Variants in ROR1 observed in about 807,000 individuals in gnomAD.
ROR1 encodes the protein inactive tyrosine-protein kinase transmembrane receptor ROR1.
ROR1 carries 19 observed loss-of-function variants against 78.8 expected under a neutral mutation model. The observed-to-expected ratio is 0.24, with a 90% confidence interval of 0.17 to 0.35. The LOEUF is 0.35. Ranked by LOEUF, ROR1 falls within the 10% of genes least tolerant of loss-of-function variation. The probability of loss-of-function intolerance (pLI) is 1.00; values close to 1 mark genes in which losing one functional copy is unlikely to be tolerated. For missense variants in ROR1, 917 were observed against 1,177.8 expected (o/e 0.78, Z 3.24); for synonymous variants, 386 against 433.6 (o/e 0.89, Z 1.36).
At chr1:63,914,692 T>G (rs1645596191) in intron 1 of ROR1, among the ~76,000 whole-genome samples, 1 of 152,112 alleles carries the variant, frequency 6.6e-6, no homozygotes, top group South Asian at 2.1e-4. Flanking sequence ...GGAACCCTCT[T>G]CTCTGCTTGG....
intron 3 of ROR1, 38 bp from the exon 4 acceptor site, chr1:64,050,648 G>C: frequency 6.2e-7 from 1 of 1,605,302 alleles, no homozygotes; most frequent in Non-Finnish European, 8.5e-7. Context: ...CAATAACCTA[G>C]ACTGACTGTT....
intron 1 of ROR1, among the ~76,000 whole-genome samples, chr1:63,848,732 A>G (rs1322298024): frequency 6.6e-6 from 1 of 152,166 alleles, no homozygotes; most frequent in East Asian, 1.9e-4. Context: ...AACGTCTGGT[A>G]GTGGATTTCT....
Position 64,137,429 on chromosome 1 carries a change from T to C in ROR1, c.543T>C (p.Phe181=). 6.2e-7 allele frequency: 1 copy of C among 1,614,042 alleles called. No individual in the cohort carries two copies. Among genetic ancestry groups the C allele is most frequent in the Non-Finnish European group, 8.5e-7 (1 of 1,179,910 alleles). Residue 181 remains phenylalanine, a synonymous_variant, in exon 5 of 9, where the codon TTT becomes TTC. Coordinates refer to ENST00000371079, the MANE Select transcript of ROR1 (RefSeq NM_005012.4). ...ACAGAGGGATTGCATGTGCAAGATTTATTGGCAACCGCACCGTCTATATGG... is the reference window on the plus strand; with the variant it reads ...ACAGAGGGATTGCATGTGCAAGATTCATTGGCAACCGCACCGTCTATATGG... ...QPYRGIACAR[F]IGNRTVYMES...
intron 2 of ROR1, among the ~76,000 whole-genome samples, chr1:64,015,610 C>A (rs7545168): frequency 0.032 from 4,868 of 151,764 alleles, 270 homozygotes; most frequent in African/African-American, 0.11. Flanking sequence ...GAGTCGTTTT[C>A]TTGTGCTTTA....
At chr1:63,889,388 G>A (rs769663273) in intron 1 of ROR1, among the ~76,000 whole-genome samples, 1 of 152,150 alleles carries the variant, frequency 6.6e-6, no homozygotes, top group Admixed American at 6.5e-5. Flanking sequence ...GCTGAGAAAT[G>A]CATGCTCAGA....
chr1:64,069,401 CAT>C (rs1557636840), intron 4 of ROR1, among the ~76,000 whole-genome samples: 1 of 152,104 alleles, frequency 6.6e-6, no homozygotes, highest in African/African-American at 2.4e-5. Context: ...CACAATAGTA[CAT>C]GTTTGAATCA....
At chr1:63,789,136 C>T in intron 1 of ROR1, 1 of 607,308 alleles carries the variant, frequency 1.6e-6, no homozygotes. Context: ...TGGGAATGGA[C>T]AGTCATTGGC....
Position 63,980,044 on chromosome 1 carries a change from A to G in ROR1, c.92-29261A>G, listed in dbSNP as rs537674031. On this transcript the variant is annotated intron_variant, in intron 1 of 8. Coordinates refer to ENST00000371079, the MANE Select transcript of ROR1 (RefSeq NM_005012.4). ...AGAAGGAGAGAGAGGTCTTTCATGG[A>G]CCAATGATGATAATGTGCTATGAAC... Among the ~76,000 whole-genome samples the G allele has an allele frequency of 5.3e-5, 8 of 152,242 alleles. No homozygotes were observed. The East Asian group carries it at 7.7e-4, about 15-fold the overall frequency.
intron 1 of ROR1, among the ~76,000 whole-genome samples, chr1:63,857,795 C>T (rs772840992): frequency 1.3e-5 from 2 of 152,146 alleles, no homozygotes; most frequent in Non-Finnish European, 2.9e-5. Context: ...CTGTCTTGCT[C>T]CATTTCCTCA....
chr1:64,087,688 A>G (rs2100639932), intron 4 of ROR1, among the ~76,000 whole-genome samples: 1 of 152,372 alleles, frequency 6.6e-6, no homozygotes, highest in South Asian at 2.1e-4. Flanking sequence ...GGTCTGGGCA[A>G]AAAGAAACAA....
At chr1:63,870,578 A>G (rs1645245131) in intron 1 of ROR1, among the ~76,000 whole-genome samples, 1 of 152,166 alleles carries the variant, frequency 6.6e-6, no homozygotes, top group South Asian at 2.1e-4. Flanking sequence ...AGGTGTGGGT[A>G]TATATTAATA....
At chr1:64,127,496 C>T (rs1648752181) in intron 4 of ROR1, among the ~76,000 whole-genome samples, 2 of 151,242 alleles carry the variant, frequency 1.3e-5, no homozygotes, top group African/African-American at 4.8e-5. Context: ...CTCTGTCTCT[C>T]TCTCTCTCTG....
intron 1 of ROR1, among the ~76,000 whole-genome samples, chr1:63,782,559 T>G (rs1644658836): frequency 6.6e-6 from 1 of 150,666 alleles, no homozygotes. Context: ...TTTTTTTTGT[T>G]TTTTTTTTTG....
intron 1 of ROR1, among the ~76,000 whole-genome samples, chr1:63,823,445 C>CTT (rs11374055): frequency 0.049 from 5,193 of 106,064 alleles, 528 homozygotes; most frequent in African/African-American, 0.12. Context: ...ACAGACATTA[C>CTT]TTTTTTTTTT....
intron 1 of ROR1, among the ~76,000 whole-genome samples, chr1:63,972,185 T>C (rs1050974069): frequency 2.0e-5 from 3 of 152,202 alleles, no homozygotes; most frequent in Admixed American, 2.0e-4. Flanking sequence ...GAATTTGCCA[T>C]CTAACCTGGG....
intron 1 of ROR1, among the ~76,000 whole-genome samples, chr1:63,921,548 A>AG (rs1334183267): frequency 6.6e-6 from 1 of 152,102 alleles, no homozygotes; most frequent in Non-Finnish European, 1.5e-5. Flanking sequence ...TGTGCACCAA[A>AG]GGAATCTAAG....
chr1:63,998,788 T>C (rs1018565424), intron 1 of ROR1, among the ~76,000 whole-genome samples: 1 of 152,186 alleles, frequency 6.6e-6, no homozygotes, highest in South Asian at 2.1e-4. Flanking sequence ...GGTTTAGCTC[T>C]GTGTCCCCAC....
intron 1 of ROR1, among the ~76,000 whole-genome samples, chr1:63,868,552 G>A (rs1266331732): frequency 2.0e-5 from 3 of 152,204 alleles, no homozygotes; most frequent in African/African-American, 7.2e-5. Context: ...ATCTTTGATT[G>A]TGCATAATAC....
chr1:63,791,372 A>T (rs375657885), intron 1 of ROR1, among the ~76,000 whole-genome samples: 1 of 152,110 alleles, frequency 6.6e-6, no homozygotes, highest in East Asian at 1.9e-4. Context: ...GGAAAAAAAT[A>T]TGTCTGGGAG....
Sources: allele counts gnomAD v4.1 joint callset (sites outside exome capture counted in the v4.1 genomes callset), GRCh38; gene constraint gnomAD v4.1.1; transcripts MANE v1.5; gene names NCBI Gene and HGNC (gene_info 2026-07-23, HGNC 2026-07-21).